GNA13: variants seen among roughly 807,000 people sequenced by gnomAD.
GNA13 encodes the protein guanine nucleotide-binding protein subunit alpha-13.
GNA13 carries 4 observed loss-of-function variants against 33.5 expected under a neutral mutation model. The ratio of observed to expected loss-of-function variants is 0.12; its 90% CI spans 0.06 to 0.27. The LOEUF (loss-of-function observed/expected upper bound fraction) is 0.27, where lower values mean the gene tolerates loss of function less well. Among genes scored for constraint, GNA13 ranks in the 10% least tolerant of loss-of-function variants. The pLI is 1.00. For missense variants in GNA13, 319 were observed against 487.2 expected (o/e 0.65, Z 3.25); for synonymous variants, 176 against 183.8 (o/e 0.96, Z 0.34).
rs563262712 is a variant in GNA13, at chr17:65,014,565, C to T, written c.826G>A (p.Val276Ile). 8.4e-5 allele frequency: 136 copies of T among 1,614,054 alleles called. 2 individuals carry two copies. The South Asian group carries it at 1.1e-3, about 14-fold the overall frequency. Reference sequence around the variant, plus strand: ...ACATTGCTGAAAACCCGGTTATTGACGATTGTTTCAAAAATGTTCAGAGAC... The same window carrying T: ...ACATTGCTGAAAACCCGGTTATTGATGATTGTTTCAAAAATGTTCAGAGAC... ...TESLNIFETIVNNRVFSNVSI... is the reference protein window; with the variant it reads ...TESLNIFETIINNRVFSNVSI... Residue 276 changes from valine to isoleucine, a missense_variant, in exon 4 of 4, where the codon GTC becomes ATC. Physicochemically the swap from Val to Ile is conservative, Grantham distance 29. This residue lies in a region of GNA13 where 134 missense variants were observed against 241.3 expected (regional missense o/e 0.56). Transcript: ENST00000439174. The surrounding 1 kb of genome is among the most constrained non-coding windows in gnomAD (Gnocchi z 5.3).
chr17:65,015,230 T>A (rs1201586481), intron 3 of GNA13, among the ~76,000 whole-genome samples: 1 of 152,164 alleles, frequency 6.6e-6, no homozygotes, highest in African/African-American at 2.4e-5. Flanking sequence ...TGAAGTCTTA[T>A]CAATTGTTCT....
At chr17:65,042,939 T>A (rs759026387) in intron 2 of GNA13, among the ~76,000 whole-genome samples, 7 of 152,166 alleles carry the variant, frequency 4.6e-5, no homozygotes, top group Admixed American at 1.3e-4. Flanking sequence ...CTTAGGTGCA[T>A]AAAGCCCATT....
intron 2 of GNA13, among the ~76,000 whole-genome samples, chr17:65,029,150 T>C (rs973921382): frequency 1.3e-5 from 2 of 152,206 alleles, no homozygotes; most frequent in African/African-American, 4.8e-5. Context: ...TATAATAGTA[T>C]CTGATAAAAT....
intron 2 of GNA13, among the ~76,000 whole-genome samples, chr17:65,032,877 G>GTC (rs1907099161): frequency 1.3e-5 from 2 of 152,080 alleles, no homozygotes; most frequent in African/African-American, 4.8e-5. Context: ...TTGGGAGGCT[G>GTC]AGATGGGTGG....
intron 2 of GNA13, among the ~76,000 whole-genome samples, chr17:65,035,654 A>G (rs1907217588): frequency 6.6e-6 from 1 of 152,256 alleles, no homozygotes; most frequent in Admixed American, 6.5e-5. Context: ...CAGAAAGCTT[A>G]AGAATTCTGA....
intron 1 of GNA13, among the ~76,000 whole-genome samples, 163 bp downstream of exon 1, chr17:65,056,148 G>A: frequency 6.6e-6 from 1 of 151,770 alleles, no homozygotes; most frequent in East Asian, 1.9e-4. Flanking sequence ...CACCCCGGGC[G>A]GGCAGGGCCA....
chr17:65,041,941 A>C (rs539493539), intron 2 of GNA13, among the ~76,000 whole-genome samples: 2 of 152,360 alleles, frequency 1.3e-5, no homozygotes, highest in African/African-American at 4.8e-5. Flanking sequence ...ATTATTTTCA[A>C]ATGACATTTG....
chr17:65,030,686 A>C (rs1216204629), intron 2 of GNA13, among the ~76,000 whole-genome samples: 2 of 152,234 alleles, frequency 1.3e-5, no homozygotes, highest in Non-Finnish European at 2.9e-5. Flanking sequence ...AAAACAAGCC[A>C]ACTATAAAGG....
intron 2 of GNA13, among the ~76,000 whole-genome samples, chr17:65,021,603 T>C (rs1156252377): frequency 6.6e-6 from 1 of 152,230 alleles, no homozygotes; most frequent in Non-Finnish European, 1.5e-5. Flanking sequence ...GGATTTAGAA[T>C]GCACTTCTTT....
chr17:65,042,077 A>AT (rs1907473162), intron 2 of GNA13, among the ~76,000 whole-genome samples: 1 of 152,108 alleles, frequency 6.6e-6, no homozygotes, highest in African/African-American at 2.4e-5. Context: ...ATGAAGAACC[A>AT]GCCAGCCGCG....
Position 65,033,907 on chromosome 17 carries a change from A to G in GNA13, c.511-15604T>C, listed in dbSNP as rs541829622. ...GGGCGCCTGTAGTCCCAGCTACTCG[A>G]GAGGCTGAGGCAGGAGAATCACTTG... On this transcript the variant is annotated intron_variant, in intron 2 of 3. Coordinates refer to ENST00000439174, the MANE Select transcript of GNA13 (RefSeq NM_006572.6). Among the ~76,000 whole-genome samples, 3 of 144,600 alleles carry G rather than the reference A, an allele frequency of 2.1e-5. No individual in the cohort carries two copies. The South Asian group carries it at 7.0e-4, about 34-fold the overall frequency. 94.9% of individuals were successfully genotyped at this position (144,600 alleles called of 152,430 possible).
intron 2 of GNA13, among the ~76,000 whole-genome samples, chr17:65,049,958 T>C (rs11656396): frequency 0.79 from 120,911 of 152,180 alleles, 50,465 homozygotes; most frequent in East Asian, 0.97. Context: ...CTACGCATGA[T>C]GAGAGCTATA....
chr17:65,055,849 T>C (rs147238137), intron 1 of GNA13: 2 of 699,190 alleles, frequency 2.9e-6, no homozygotes, highest in East Asian at 2.6e-4. Flanking sequence ...CGACCCCATG[T>C]GACTCGGGTC....
At chr17:65,018,134 A>AGTG in intron 3 of GNA13, 119 bp downstream of exon 3, 1 of 101,698 alleles carries the variant, frequency 9.8e-6, no homozygotes. Flanking sequence ...AAAAAAAAAA[A>AGTG]AAAAAGAGAG....
At chr17:65,047,659 TTC>T (rs1427258273) in intron 2 of GNA13, among the ~76,000 whole-genome samples, 1 of 38,860 alleles carries the variant, frequency 2.6e-5, no homozygotes, top group African/African-American at 3.3e-5. Flanking sequence ...ATGACTCTGA[TTC>T]TTTTTTTTTT....
chr17:65,018,838 A>C (rs540269430), intron 2 of GNA13, among the ~76,000 whole-genome samples: 1 of 152,306 alleles, frequency 6.6e-6, no homozygotes, highest in Admixed American at 6.5e-5. Context: ...TCACATCTCC[A>C]ACAGGTCTTT....
chr17:65,015,391 G>A (rs1158356146), intron 3 of GNA13, among the ~76,000 whole-genome samples: 29 of 151,970 alleles, frequency 1.9e-4, no homozygotes, highest in Admixed American at 1.6e-3. Flanking sequence ...GGCTGGGCGC[G>A]ATGGCTCACG....
intron 2 of GNA13, among the ~76,000 whole-genome samples, chr17:65,023,594 C>A (rs9901833): frequency 0.051 from 7,745 of 152,272 alleles, 618 homozygotes; most frequent in African/African-American, 0.17. Flanking sequence ...GTGAAACTTA[C>A]ACTCTGGTAA....
intron 2 of GNA13, among the ~76,000 whole-genome samples, chr17:65,024,735 A>G (rs2143784494): frequency 6.6e-6 from 1 of 152,374 alleles, no homozygotes; most frequent in East Asian, 1.9e-4. Flanking sequence ...CAGCCCTCGC[A>G]TTACTTCAAA....
Sources: allele counts gnomAD v4.1 joint callset (sites outside exome capture counted in the v4.1 genomes callset), GRCh38; gene constraint gnomAD v4.1.1; regional missense constraint gnomAD v4.1.1; non-coding constraint Gnocchi (gnomAD v3.1); transcripts MANE v1.5; gene names NCBI Gene and HGNC (gene_info 2026-07-23, HGNC 2026-07-21).